The following KALRN variants were observed in gnomAD, a reference collection of about 807,000 sequenced individuals.
KALRN encodes kalirin RhoGEF kinase, also known as kalirin.
A neutral mutation model predicts 353.7 loss-of-function variants in KALRN; 70 were observed. The ratio of observed to expected loss-of-function variants is 0.20; its 90% confidence interval spans 0.16 to 0.24. The LOEUF is 0.24. KALRN is among the 10% of genes least tolerant of loss of function. KALRN has a pLI of 1.00. For missense variants in KALRN, 2,791 were observed against 3,756.7 expected (o/e 0.74, Z 6.72); for synonymous variants, 1,391 against 1,434.8 (o/e 0.97, Z 0.69).
At chr3:124,676,169 G>T (rs544621332) in intron 49 of KALRN, among the ~76,000 whole-genome samples, 1 of 152,182 alleles carries the variant, frequency 6.6e-6, no homozygotes, top group Non-Finnish European at 1.5e-5. Context: ...CTTTGGTTCT[G>T]TTGGCCACTT....
intron 34 of KALRN, among the ~76,000 whole-genome samples, chr3:124,623,399 T>TACACACACACACACAC (rs372330681): frequency 0.015 from 2,011 of 136,468 alleles, 59 homozygotes; most frequent in African/African-American, 0.046. Flanking sequence ...TATTTATTTA[T>TACACACACACACACAC]ACACACACAC....
intron 34 of KALRN, among the ~76,000 whole-genome samples, chr3:124,571,833 G>T (rs1361545057): frequency 3.3e-5 from 5 of 151,670 alleles, no homozygotes; most frequent in Admixed American, 1.3e-4. Context: ...TCGCCATGTT[G>T]CCCAGGCTGG....
Position 124,290,696 on chromosome 3 carries a change from A to T in KALRN, c.970-8095A>T, listed in dbSNP as rs527829090. Among the ~76,000 whole-genome samples, 44 of 152,274 alleles carry T rather than the reference A, an allele frequency of 2.9e-4. No individual in the cohort carries two copies. In the East Asian group the frequency reaches 7.3e-3, roughly 25 times the overall value. On this transcript the variant is annotated intron_variant, in intron 5 of 59. Transcript: ENST00000682506. ...CCTAATTCATAAAAGGGAGATGATGATATTGAGGGTTAATATTGGGGAGAT... is the reference window on the plus strand; with the variant it reads ...CCTAATTCATAAAAGGGAGATGATGTTATTGAGGGTTAATATTGGGGAGAT...
chr3:124,695,638 G>A (rs2062018038), intron 53 of KALRN, among the ~76,000 whole-genome samples: 1 of 152,086 alleles, frequency 6.6e-6, no homozygotes, highest in South Asian at 2.1e-4. Flanking sequence ...TTATCATTTA[G>A]GTGATGGAAT....
chr3:124,676,122 C>G (rs1170373584), intron 49 of KALRN, among the ~76,000 whole-genome samples: 1 of 152,210 alleles, frequency 6.6e-6, no homozygotes, highest in African/African-American at 2.4e-5. Flanking sequence ...GATTTATCCT[C>G]TAAATATCCA....
At chr3:124,472,719 A>G (rs1028727791) in intron 25 of KALRN, among the ~76,000 whole-genome samples, 1 of 152,142 alleles carries the variant, frequency 6.6e-6, no homozygotes, top group Non-Finnish European at 1.5e-5. Flanking sequence ...ATAACATTAT[A>G]TAGCACTTTT....
chr3:124,101,243 C>T (rs1578064976), intron 1 of KALRN, among the ~76,000 whole-genome samples: 1 of 152,182 alleles, frequency 6.6e-6, no homozygotes, highest in Non-Finnish European at 1.5e-5. Context: ...TTATTGCTCT[C>T]AGTTCAGGCT....
chr3:124,413,431 C>A (rs1425427894), intron 13 of KALRN, 39 bp from the exon 14 acceptor site: 12 of 1,560,146 alleles, frequency 7.7e-6, no homozygotes, highest in Non-Finnish European at 1.1e-5. Context: ...CTCTCGTGGA[C>A]CTGGTGAGCC....
At chr3:124,502,611 A>G (rs944689223) in intron 33 of KALRN, among the ~76,000 whole-genome samples, 3 of 152,172 alleles carry the variant, frequency 2.0e-5, no homozygotes, top group Admixed American at 6.5e-5. Context: ...CCATCTCCTC[A>G]TCTGTGCAAT....
At chr3:124,716,263 T>C (rs332507) in intron 58 of KALRN, among the ~76,000 whole-genome samples, 34,983 of 152,176 alleles carry the variant, frequency 0.23, 4,156 homozygotes, top group Middle Eastern at 0.34. Flanking sequence ...CTGGCTCATG[T>C]TTGTAATCCC....
At chr3:124,201,312 G>C (rs2075922228) in intron 1 of KALRN, among the ~76,000 whole-genome samples, 2 of 152,236 alleles carry the variant, frequency 1.3e-5, no homozygotes, top group East Asian at 3.8e-4. Context: ...AGTCTGGGAA[G>C]TCCCGGCTGA....
intron 33 of KALRN, among the ~76,000 whole-genome samples, chr3:124,555,283 G>C (rs144633510): frequency 6.6e-6 from 1 of 152,036 alleles, no homozygotes; most frequent in African/African-American, 2.4e-5. Context: ...TGTAATCCCA[G>C]CACTTTGCGA....
At chr3:124,708,949 G>A (rs1231369837) in intron 57 of KALRN, among the ~76,000 whole-genome samples, 2 of 152,094 alleles carry the variant, frequency 1.3e-5, no homozygotes, top group Non-Finnish European at 2.9e-5. Context: ...CAGAATTCAT[G>A]GAGGCAAGAA....
chr3:124,613,509 T>A (rs1378135221), intron 34 of KALRN, among the ~76,000 whole-genome samples: 4 of 152,186 alleles, frequency 2.6e-5, no homozygotes. Context: ...AGGGGATGCT[T>A]GCTAAAGGGA....
chr3:124,285,293 A>G (rs1030224772), intron 5 of KALRN, among the ~76,000 whole-genome samples: 17 of 151,838 alleles, frequency 1.1e-4, no homozygotes, highest in Non-Finnish European at 2.2e-4. Context: ...ATCATGTCCC[A>G]TTTTCTCTCT....
intron 19 of KALRN, among the ~76,000 whole-genome samples, chr3:124,442,704 C>T (rs951156): frequency 0.028 from 4,210 of 152,262 alleles, 196 homozygotes; most frequent in African/African-American, 0.094. Flanking sequence ...TCAGGCCACA[C>T]CCAAACCGAC....
intron 33 of KALRN, among the ~76,000 whole-genome samples, chr3:124,531,965 G>A (rs572924405): frequency 1.3e-5 from 2 of 152,248 alleles, no homozygotes; most frequent in South Asian, 4.1e-4. Flanking sequence ...TGTTCTTCTT[G>A]GAACTTTTTC....
chr3:124,259,668 G>T (rs562671041), intron 3 of KALRN, among the ~76,000 whole-genome samples: 1 of 152,160 alleles, frequency 6.6e-6, no homozygotes, highest in East Asian at 1.9e-4. Context: ...ACCAGGCACT[G>T]TAGTAGGCAC....
intron 10 of KALRN, among the ~76,000 whole-genome samples, chr3:124,373,438 G>A (rs892458039): frequency 1.3e-5 from 2 of 152,144 alleles, no homozygotes; most frequent in African/African-American, 4.8e-5. Context: ...TTTGTTTCCC[G>A]TGGCTACTGT....
Sources: allele counts gnomAD v4.1 joint callset (sites outside exome capture counted in the v4.1 genomes callset), GRCh38; gene constraint gnomAD v4.1.1; transcripts MANE v1.5; gene names NCBI Gene and HGNC (gene_info 2026-07-23, HGNC 2026-07-21).